The following DNAAF11 variants were observed in gnomAD, a reference collection of about 807,000 sequenced individuals.
DNAAF11 encodes the protein leucine rich repeat containing 6.
Under a neutral mutation model 60.8 loss-of-function variants are expected in DNAAF11, and 45 were observed. The observed-to-expected ratio is 0.74, with a 90% confidence interval of 0.58 to 0.95. The LOEUF is 0.95. Ranked by LOEUF, DNAAF11 falls within the 40% of genes least tolerant of loss-of-function variation. The pLI, the probability that DNAAF11 is intolerant of heterozygous loss-of-function variation, is 0.00. For missense variants in DNAAF11, 546 were observed against 546.2 expected (o/e 1.00, Z 0.00); for synonymous variants, 191 against 183.5 (o/e 1.04, Z -0.33).
chr8:132,572,392 G>T lies in DNAAF11; in HGVS notation c.1315C>A (p.Pro439Thr), dbSNP rs150871827. 16 of 1,613,730 alleles carry T rather than the reference G, an allele frequency of 9.9e-6. No homozygotes were observed. The South Asian group carries it at 1.6e-4, about 17-fold the overall frequency. The change falls in exon 12 of 12, where the codon CCC becomes ACC. Residue 439 changes from proline to threonine, a missense_variant. Physicochemically the swap from Pro to Thr is conservative, Grantham distance 38 (BLOSUM62 -1). Transcript: ENST00000620350. ...TNIVQEKKHT[P>T]RRRPEPKIIP... ...ATTTTGGGTTCAGGTCGTCTTCTGG[G>T]TGTGTGTTTTTTCTCTTGAACTATG...
intron 3 of DNAAF11, among the ~76,000 whole-genome samples, chr8:132,645,128 A>T (rs1822249612): frequency 6.6e-6 from 1 of 152,190 alleles, no homozygotes; most frequent in Non-Finnish European, 1.5e-5. Flanking sequence ...CCCCTCTGAG[A>T]CAAAGCTTCC....
At chr8:132,666,644 A>C (rs924649036) in intron 1 of DNAAF11, among the ~76,000 whole-genome samples, 1 of 152,182 alleles carries the variant, frequency 6.6e-6, no homozygotes, top group Admixed American at 6.5e-5. Context: ...AATTAACCAG[A>C]AAAAAAGAAG....
intron 3 of DNAAF11, among the ~76,000 whole-genome samples, chr8:132,655,868 A>C (rs895877247): frequency 6.6e-6 from 1 of 152,210 alleles, no homozygotes; most frequent in South Asian, 2.1e-4. Context: ...GTATTAGTGA[A>C]GTTGTGTAGA....
chr8:132,699,728 G>A, the DNAAF11 span, among the ~76,000 whole-genome samples: 1 of 151,964 alleles, frequency 6.6e-6, no homozygotes, highest in African/African-American at 2.4e-5. Flanking sequence ...TAAACAAAAT[G>A]TGTTATATCC....
At chr8:132,692,846 C>G in the DNAAF11 span, among the ~76,000 whole-genome samples, 3 of 152,194 alleles carry the variant, frequency 2.0e-5, no homozygotes, top group African/African-American at 4.8e-5. Context: ...CCATTTGAAC[C>G]AATCGTGTAT....
intron 7 of DNAAF11, among the ~76,000 whole-genome samples, chr8:132,617,429 C>G (rs1175687997): frequency 6.6e-6 from 1 of 152,128 alleles, no homozygotes; most frequent in East Asian, 1.9e-4. Flanking sequence ...GGAGTTCACT[C>G]ATGATTTGGC....
At chr8:132,680,958 A>T in the DNAAF11 span, among the ~76,000 whole-genome samples, 1 of 147,864 alleles carries the variant, frequency 6.8e-6, no homozygotes, top group Non-Finnish European at 1.5e-5. Context: ...GCCATTTAAA[A>T]GTAATGGCAA....
chr8:132,674,472 TTAGG>T (rs1825577579), intron 1 of DNAAF11, among the ~76,000 whole-genome samples: 1 of 152,166 alleles, frequency 6.6e-6, no homozygotes, highest in Non-Finnish European at 1.5e-5. Flanking sequence ...AAGTGATCAA[TTAGG>T]TAGAGCTGTA....
intron 4 of DNAAF11, among the ~76,000 whole-genome samples, chr8:132,633,466 G>A (rs1190551643): frequency 6.6e-6 from 1 of 152,124 alleles, no homozygotes; most frequent in Admixed American, 6.5e-5. Context: ...ATTTTCCAAA[G>A]TAAAATATTA....
At chr8:132,619,184 A>G (rs886375976) in intron 7 of DNAAF11, among the ~76,000 whole-genome samples, 1 of 152,200 alleles carries the variant, frequency 6.6e-6, no homozygotes. Flanking sequence ...CATTCTCAGT[A>G]AACTATCGCA....
chr8:132,688,130 C>T, the DNAAF11 span, among the ~76,000 whole-genome samples: 2 of 152,196 alleles, frequency 1.3e-5, no homozygotes, highest in African/African-American at 4.8e-5. Context: ...ATAGAGCCCT[C>T]ATGACCTGAT....
the DNAAF11 span, chr8:132,702,038 C>T: frequency 2.6e-5 from 4 of 152,150 alleles, no homozygotes; most frequent in Non-Finnish European, 4.4e-5. Context: ...GAATTCTTTC[C>T]TTCCTATTTA....
chr8:132,584,093 T>C (rs914832750), intron 10 of DNAAF11, among the ~76,000 whole-genome samples: 13 of 152,064 alleles, frequency 8.5e-5, no homozygotes, highest in Admixed American at 7.2e-4. Flanking sequence ...TTGTGGGGTG[T>C]TGGGGATACA....
intron 3 of DNAAF11, among the ~76,000 whole-genome samples, chr8:132,641,689 G>A (rs1368328135): frequency 1.4e-4 from 21 of 152,120 alleles, no homozygotes; most frequent in Admixed American, 1.3e-3. Flanking sequence ...GCAACTGAGG[G>A]AAAAAATGGA....
chr8:132,612,340 C>T (rs1818749752), intron 8 of DNAAF11, among the ~76,000 whole-genome samples: 1 of 151,628 alleles, frequency 6.6e-6, no homozygotes. Flanking sequence ...TTTTCTACAG[C>T]TTCACATGTG....
rs781574679 is a variant in DNAAF11, at chr8:132,661,637, A to G, written c.11-10T>C. ...ATAAGATCTTCTGTGACTGGAAGAA[A>G]ATGTGTTACATATTACATTTCTGTC... On this transcript the variant is annotated splice_polypyrimidine_tract_variant and intron_variant, in intron 1 of 11. Transcript: ENST00000620350. 1.1e-5 allele frequency: 17 copies of G among 1,610,438 alleles called. No homozygotes were observed. The highest frequency in any genetic ancestry group is 1.6e-4 in the Middle Eastern group (1 of 6,082).
chr8:132,573,148 A>G (rs902528962), intron 11 of DNAAF11, among the ~76,000 whole-genome samples: 1 of 152,220 alleles, frequency 6.6e-6, no homozygotes, highest in Non-Finnish European at 1.5e-5. Flanking sequence ...ATAGATGTAG[A>G]TAATCAGGTC....
At chr8:132,698,941 T>C in the DNAAF11 span, among the ~76,000 whole-genome samples, 2 of 120,212 alleles carry the variant, frequency 1.7e-5, no homozygotes, top group African/African-American at 8.5e-5. Context: ...TGTATACATA[T>C]ATATATATAT....
At chr8:132,619,155 G>T (rs556285832) in intron 7 of DNAAF11, among the ~76,000 whole-genome samples, 1 of 152,218 alleles carries the variant, frequency 6.6e-6, no homozygotes, top group Admixed American at 6.5e-5. Flanking sequence ...GTAGGGACAC[G>T]GATGAAACTG....
Sources: allele counts gnomAD v4.1 joint callset (sites outside exome capture counted in the v4.1 genomes callset), GRCh38; gene constraint gnomAD v4.1.1; transcripts MANE v1.5; gene names NCBI Gene and HGNC (gene_info 2026-07-23, HGNC 2026-07-21).